NHS: variants seen among roughly 807,000 people sequenced by gnomAD.
The protein encoded by NHS is actin remodeling regulator NHS.
In NHS, 5 loss-of-function variants were observed where a neutral mutation model predicts 72.5. The ratio of observed to expected loss-of-function variants is 0.07; its 90% CI spans 0.04 to 0.14. NHS has a LOEUF of 0.14. NHS is among the 10% of genes least tolerant of loss of function. The pLI is 1.00. For synonymous variants in NHS, 464 were observed against 547.7 expected (o/e 0.85, Z 2.13); for missense variants, 1,072 against 1,355.7 (o/e 0.79, Z 3.29).
chrX:17,376,165 C>T lies in NHS; in HGVS notation c.408C>T (p.Leu136=), dbSNP rs1555981412. Residue 136 remains leucine (L), a synonymous_variant, in exon 1 of 9, where the codon CTC becomes CTT. Coordinates refer to ENST00000676302, the MANE Select transcript of NHS (RefSeq NM_001291867.2). ...GCAACGCCGCTCTGGCCCGTGTCCTCCGGCAGCTCTCGGACGTGGCCCGGC... is the reference window on the plus strand; with the variant it reads ...GCAACGCCGCTCTGGCCCGTGTCCTTCGGCAGCTCTCGGACGTGGCCCGGC... ...AVSNAALARV[L]RQLSDVARHA... 8.4e-7 allele frequency: 1 copy of T among 1,191,471 alleles called. No individual in the cohort carries two copies. Among genetic ancestry groups the T allele is most frequent in the East Asian group, 3.0e-5 (1 of 33,469 alleles).
intron 2 of NHS, among the ~76,000 whole-genome samples, chrX:17,688,537 C>T (rs2066177324): frequency 9.0e-6 from 1 of 111,657 alleles, no homozygotes; most frequent in African/African-American, 3.3e-5. Context: ...GAGGGCTCTT[C>T]TGCTTCTCTT....
chrX:17,463,711 G>T (rs1412014598), intron 1 of NHS, among the ~76,000 whole-genome samples: 1 of 111,808 alleles, frequency 8.9e-6, no homozygotes, highest in Non-Finnish European at 1.9e-5. Flanking sequence ...CTGTTAAAAA[G>T]GCATGTAAAT....
rs923776058 is a variant in NHS at position 17,413,059 on chromosome X, C to T, written c.565+36737C>T. 4.5e-5 allele frequency among the ~76,000 whole-genome samples: 5 copies of T among 112,268 alleles called. No individual in the cohort carries two copies. In the Admixed American group the frequency reaches 4.7e-4, roughly 11 times the overall value. On this transcript the variant is annotated intron_variant, in intron 1 of 8. Coordinates refer to ENST00000676302, the MANE Select transcript of NHS (RefSeq NM_001291867.2). ...TTTTAAACTTAGCCTAATTGAAAAA[C>T]GATTTCCATATGGCACCTAGTAGAA...
At chrX:17,731,744 T>C in intron 8 of NHS, 114 bp from the exon 9 acceptor site, 2 of 976,332 alleles carry the variant, frequency 2.0e-6, no homozygotes, top group South Asian at 2.4e-5. Context: ...TCCCATCATA[T>C]AGGACAGGCT....
chrX:17,497,682 T>G (rs1476437415), intron 1 of NHS, among the ~76,000 whole-genome samples: 2 of 112,104 alleles, frequency 1.8e-5, no homozygotes, highest in Admixed American at 1.9e-4. Flanking sequence ...TATTAACATG[T>G]TTTTAAATTT....
chrX:17,390,878 C>T (rs1464978508), intron 1 of NHS, among the ~76,000 whole-genome samples: 1 of 111,837 alleles, frequency 8.9e-6, no homozygotes, highest in Non-Finnish European at 1.9e-5. Flanking sequence ...GGGTAGAAGA[C>T]GATAATGAGA....
intron 1 of NHS, among the ~76,000 whole-genome samples, chrX:17,576,027 T>C (rs1413408607): frequency 8.9e-6 from 1 of 112,033 alleles, no homozygotes; most frequent in Non-Finnish European, 1.9e-5. Context: ...CAATTGGTTC[T>C]CTTGGCCTTG....
At chrX:17,559,493 C>G (rs1490054257) in intron 1 of NHS, among the ~76,000 whole-genome samples, 1 of 111,964 alleles carries the variant, frequency 8.9e-6, no homozygotes, top group Non-Finnish European at 1.9e-5. Context: ...AAAAGTAGAG[C>G]AAAAATCCAT....
chrX:17,712,284 T>C (rs867102103), intron 3 of NHS, among the ~76,000 whole-genome samples: 20 of 76,705 alleles, frequency 2.6e-4, no homozygotes, highest in African/African-American at 1.1e-3. Context: ...TATATATATA[T>C]ATATATACAC....
At chrX:17,668,682 C>T (rs1488717404) in intron 1 of NHS, among the ~76,000 whole-genome samples, 1 of 111,247 alleles carries the variant, frequency 9.0e-6, no homozygotes, top group East Asian at 2.8e-4. Flanking sequence ...CAGAAGTAGA[C>T]CCTGAGACAA....
At position 17,566,518 on chromosome X, in the gene NHS, G is replaced by A. The variant is rs145520837; in HGVS notation, c.566-121224G>A. Among the ~76,000 whole-genome samples, 95 of 111,476 alleles carry A rather than the reference G, an allele frequency of 8.5e-4. 1 individual carries two copies. Among genetic ancestry groups the A allele is most frequent in the African/African-American group, 2.7e-3 (84 of 30,661 alleles). On this transcript the variant is annotated intron_variant, in intron 1 of 8. Transcript: ENST00000676302. ...CAGCATCCCCAGCTCATAGCGCAGG[G>A]TTTGGTCCCTGTTTGTTCCTCAGTA... is the stretch of plus-strand genomic sequence containing the variant.
chrX:17,695,942 A>AGG (rs558791023), intron 3 of NHS, among the ~76,000 whole-genome samples: 17 of 93,125 alleles, frequency 1.8e-4, no homozygotes, highest in Non-Finnish European at 3.0e-4. Flanking sequence ...AAAAAAAAAA[A>AGG]GGGGGGGGGT....
chrX:17,573,477 T>A (rs1374918116), intron 1 of NHS, among the ~76,000 whole-genome samples: 1 of 109,473 alleles, frequency 9.1e-6, no homozygotes, highest in Non-Finnish European at 1.9e-5. Flanking sequence ...AGTCAGCTAT[T>A]GAAGCTTATG....
intron 1 of NHS, among the ~76,000 whole-genome samples, chrX:17,508,771 A>C (rs2065071635): frequency 8.9e-6 from 1 of 112,207 alleles, no homozygotes; most frequent in Non-Finnish European, 1.9e-5. Flanking sequence ...TGCCCGGCTC[A>C]TTTTTGTTTA....
At chrX:17,399,589 C>G (rs1280577798) in intron 1 of NHS, among the ~76,000 whole-genome samples, 2 of 111,433 alleles carry the variant, frequency 1.8e-5, no homozygotes, top group Non-Finnish European at 3.8e-5. Context: ...TAAATTTATC[C>G]TCATCATTTC....
intron 1 of NHS, among the ~76,000 whole-genome samples, chrX:17,668,704 C>G (rs183435757): frequency 7.7e-4 from 86 of 111,306 alleles, no homozygotes; most frequent in Middle Eastern, 9.2e-3. Flanking sequence ...GATTCAAGTA[C>G]AAGTAGTCTA....
intron 1 of NHS, among the ~76,000 whole-genome samples, chrX:17,573,308 G>A (rs957883265): frequency 9.0e-6 from 1 of 111,182 alleles, no homozygotes; most frequent in Non-Finnish European, 1.9e-5. Context: ...ATCACTTTCA[G>A]GTACACCAAT....
chrX:17,717,872 C>T (rs189525351), intron 3 of NHS, among the ~76,000 whole-genome samples: 2 of 111,628 alleles, frequency 1.8e-5, no homozygotes, highest in Non-Finnish European at 3.8e-5. Flanking sequence ...AAGTAGTTCA[C>T]AAATAAATAA....
At chrX:17,528,878 T>C (rs1348716144) in intron 1 of NHS, 1 of 111,783 alleles carries the variant, frequency 8.9e-6, no homozygotes, top group Non-Finnish European at 1.9e-5. Flanking sequence ...ACTATCCTTT[T>C]TCGTAAGCAC....
Sources: gnomAD v4.1 joint callset for allele counts (sites outside exome capture counted in the v4.1 genomes callset) on GRCh38, gnomAD v4.1.1 for gene constraint, MANE v1.5 for transcripts, NCBI Gene and HGNC (gene_info 2026-07-23, HGNC 2026-07-21) for gene names.